Variants in CA10 observed in about 807,000 individuals in gnomAD.
The protein encoded by CA10 is carbonic anhydrase 10 (inactive), also known as carbonic anhydrase-related protein 10.
In CA10, 14 loss-of-function variants were observed where a neutral mutation model predicts 44.2. That is an observed-to-expected ratio of 0.32 (90% CI 0.21 to 0.50). The LOEUF (loss-of-function observed/expected upper bound fraction) is 0.50, where lower values mean the gene tolerates loss of function less well. Ranked by LOEUF, CA10 falls within the 20% of genes least tolerant of loss-of-function variation. The pLI is 0.99. For synonymous variants in CA10, 159 were observed against 141.6 expected (o/e 1.12, Z -0.87); for missense variants, 350 against 409.7 (o/e 0.85, Z 1.26).
At chr17:51,906,623 T>C (rs1981567033) in intron 3 of CA10, among the ~76,000 whole-genome samples, 1 of 152,146 alleles carries the variant, frequency 6.6e-6, no homozygotes, top group Non-Finnish European at 1.5e-5. Context: ...TCAGCCCCAC[T>C]TTCTTAGTTT....
At chr17:51,795,238 C>T (rs1290270671) in intron 3 of CA10, among the ~76,000 whole-genome samples, 1 of 151,398 alleles carries the variant, frequency 6.6e-6, no homozygotes, top group Non-Finnish European at 1.5e-5. Flanking sequence ...GGGCTTGATC[C>T]ATACTCAAAG....
chr17:51,710,660 G>T (rs1271086908), intron 4 of CA10, among the ~76,000 whole-genome samples: 1 of 152,092 alleles, frequency 6.6e-6, no homozygotes, highest in Non-Finnish European at 1.5e-5. Flanking sequence ...TGGGTGGTAA[G>T]GGTCCCTGCA....
At chr17:51,765,925 C>T (rs1400708604) in intron 3 of CA10, among the ~76,000 whole-genome samples, 5 of 152,128 alleles carry the variant, frequency 3.3e-5, no homozygotes, top group Non-Finnish European at 7.3e-5. Flanking sequence ...GCTGAGATCA[C>T]TACGAGGTAA....
At chr17:52,095,099 A>AT (rs1183007539) in intron 1 of CA10, among the ~76,000 whole-genome samples, 1 of 152,178 alleles carries the variant, frequency 6.6e-6, no homozygotes, top group African/African-American at 2.4e-5. Context: ...AGAGAAACAC[A>AT]TTTTTGTACA....
chr17:51,915,645 A>G (rs1598115660), intron 3 of CA10, among the ~76,000 whole-genome samples: 1 of 152,316 alleles, frequency 6.6e-6, no homozygotes, highest in African/African-American at 2.4e-5. Context: ...ATTAACTTTC[A>G]GGAGGCCCCT....
In CA10 at chr17:51,855,999, G is replaced by A. The variant is rs73989416; in HGVS notation, c.279+74991C>T. Among the ~76,000 whole-genome samples the A allele has an allele frequency of 6.9e-3, 1,044 of 152,250 alleles. 16 individuals are homozygous for A. The highest frequency in any genetic ancestry group is 0.023 in the African/African-American group (969 of 41,546). On this transcript the variant is annotated intron_variant, in intron 3 of 8. Transcript: ENST00000451037. ...TATCTGTCAATGGGGGGCTGAAGGA[G>A]CAAACAGTAAGGCTCTTTCAGCTCT...
chr17:51,750,807 C>T (rs1326650523), intron 3 of CA10, among the ~76,000 whole-genome samples: 1 of 152,208 alleles, frequency 6.6e-6, no homozygotes, highest in Non-Finnish European at 1.5e-5. Context: ...TGCTTTGTGC[C>T]ATTGGGCAAG....
At chr17:51,685,210 TTTA>T (rs1240674062) in intron 4 of CA10, among the ~76,000 whole-genome samples, 2 of 151,944 alleles carry the variant, frequency 1.3e-5, no homozygotes, top group African/African-American at 4.8e-5. Context: ...CTGTGAACGG[TTTA>T]TTATTGAGAT....
intron 4 of CA10, among the ~76,000 whole-genome samples, chr17:51,715,495 T>C (rs1378212429): frequency 6.6e-6 from 1 of 152,166 alleles, no homozygotes; most frequent in Non-Finnish European, 1.5e-5. Flanking sequence ...GATGTGTTGA[T>C]ACAGGCATGC....
chr17:51,660,620 T>C (rs1376279100), intron 4 of CA10, among the ~76,000 whole-genome samples: 1 of 152,200 alleles, frequency 6.6e-6, no homozygotes, highest in Admixed American at 6.5e-5. Context: ...TCTCAGACCT[T>C]AGATCACCTT....
chr17:51,921,017 T>G (rs1475759140), intron 3 of CA10, among the ~76,000 whole-genome samples: 2 of 152,212 alleles, frequency 1.3e-5, no homozygotes, highest in Non-Finnish European at 2.9e-5. Flanking sequence ...TGAGGAATAA[T>G]TTTGATAGTG....
intron 2 of CA10, among the ~76,000 whole-genome samples, chr17:52,010,483 T>C (rs1024622022): frequency 1.3e-5 from 2 of 151,818 alleles, no homozygotes; most frequent in African/African-American, 2.4e-5. Flanking sequence ...GCAACCTGGA[T>C]GGAAGTGGAG....
intron 4 of CA10, among the ~76,000 whole-genome samples, chr17:51,666,126 C>A (rs1324284156): frequency 6.6e-6 from 1 of 152,230 alleles, no homozygotes; most frequent in Non-Finnish European, 1.5e-5. Context: ...ATTCTTCCAA[C>A]AAACCCGTAT....
intron 4 of CA10, among the ~76,000 whole-genome samples, chr17:51,685,314 G>T (rs1914971624): frequency 6.6e-6 from 1 of 152,252 alleles, no homozygotes; most frequent in East Asian, 1.9e-4. Context: ...GTCATCATCA[G>T]GACTGGAAGG....
intron 2 of CA10, among the ~76,000 whole-genome samples, chr17:52,021,152 G>A (rs954763653): frequency 5.3e-5 from 8 of 152,028 alleles, no homozygotes; most frequent in African/African-American, 1.7e-4. Context: ...CAGAATAAAT[G>A]GAATGGCATT....
At chr17:51,673,478 T>G (rs1370718577) in intron 4 of CA10, among the ~76,000 whole-genome samples, 4 of 152,182 alleles carry the variant, frequency 2.6e-5, no homozygotes, top group African/African-American at 9.7e-5. Context: ...GTGCTATATT[T>G]ATAGACTTGG....
intron 3 of CA10, among the ~76,000 whole-genome samples, chr17:51,766,355 AT>A (rs1395228515): frequency 6.6e-6 from 1 of 152,162 alleles, no homozygotes; most frequent in African/African-American, 2.4e-5. Flanking sequence ...CTATCTAACC[AT>A]GCTGGAAGGC....
chr17:52,003,354 C>G (rs944982612), intron 2 of CA10, among the ~76,000 whole-genome samples: 6 of 151,856 alleles, frequency 4.0e-5, no homozygotes, highest in Admixed American at 2.0e-4. Context: ...TCCCATAATA[C>G]CTTATCATCT....
intron 2 of CA10, among the ~76,000 whole-genome samples, chr17:51,960,318 G>A (rs1437079771): frequency 6.6e-6 from 1 of 151,892 alleles, no homozygotes; most frequent in Non-Finnish European, 1.5e-5. Flanking sequence ...ATCCCAGAGG[G>A]GGCAGGTAAG....
Sources: gnomAD v4.1 joint callset for allele counts (sites outside exome capture counted in the v4.1 genomes callset) on GRCh38, gnomAD v4.1.1 for gene constraint, MANE v1.5 for transcripts, NCBI Gene and HGNC (gene_info 2026-07-23, HGNC 2026-07-21) for gene names.